TIMM9: variants seen among roughly 807,000 people sequenced by gnomAD.
The protein encoded by TIMM9 is translocase of inner mitochondrial membrane 9, also known as mitochondrial import inner membrane translocase subunit Tim9.
A neutral mutation model predicts 13.4 loss-of-function variants in TIMM9; 10 were observed. The ratio of observed to expected loss-of-function variants is 0.75; its 90% CI spans 0.46 to 1.26. The LOEUF (loss-of-function observed/expected upper bound fraction) is 1.26. Ranked by LOEUF, TIMM9 falls within the 50% of genes most tolerant of loss-of-function variation. The probability of loss-of-function intolerance (pLI) is 0.00; values close to 1 mark genes in which losing one functional copy is unlikely to be tolerated. For synonymous variants in TIMM9, 32 were observed against 32.1 expected, an observed-to-expected ratio of 1.00 and a Z score of 0.01; for missense variants, 87 against 100.8, an observed-to-expected ratio of 0.86 and a Z score of 0.58.
chr14:58,417,041 A>G (rs572144384), intron 3 of TIMM9, among the ~76,000 whole-genome samples: 5 of 152,250 alleles, frequency 3.3e-5, no homozygotes, highest in Non-Finnish European at 5.9e-5. Context: ...TTCTCATGAT[A>G]GTGAATAAGT....
chr14:58,417,498 T>TAAAA (rs71107944), intron 3 of TIMM9, among the ~76,000 whole-genome samples: 1 of 56,672 alleles, frequency 1.8e-5, no homozygotes, highest in Non-Finnish European at 3.0e-5. Flanking sequence ...AAGACCCTGT[T>TAAAA]AAAAAAAAAA....
intron 3 of TIMM9, among the ~76,000 whole-genome samples, chr14:58,422,344 G>A (rs924561905): frequency 5.3e-5 from 8 of 152,000 alleles, no homozygotes; most frequent in Non-Finnish European, 8.8e-5. Flanking sequence ...TTAAACTCCC[G>A]ACCTCAGGTG....
At chr14:58,426,389 T>C (rs2036801700) in intron 2 of TIMM9, among the ~76,000 whole-genome samples, 1 of 151,758 alleles carries the variant, frequency 6.6e-6, no homozygotes, top group Admixed American at 6.6e-5. Flanking sequence ...GTATTTTCAG[T>C]AGAGGCGGGG....
intron 3 of TIMM9, among the ~76,000 whole-genome samples, chr14:58,418,023 A>G (rs1177370375): frequency 2.0e-5 from 3 of 152,146 alleles, no homozygotes; most frequent in Non-Finnish European, 4.4e-5. Flanking sequence ...ACAGTACAAA[A>G]AAGAAAACCA....
Position 58,410,849 on chromosome 14 carries a change from A to C in TIMM9, c.129T>G (p.Pro43=), listed in dbSNP as rs749601360. 1.2e-6 allele frequency: 2 copies of C among 1,607,334 alleles called. No individual in the cohort carries two copies. Among genetic ancestry groups the C allele is most frequent in the Non-Finnish European group, 1.7e-6 (2 of 1,177,652 alleles). The stretch of plus-strand genomic sequence containing the variant: ...TGAGTAACACTTTTCATACCTCTTC[A>C]GGTTTTACTTCTCTTGTTGTGAAGT... ...VKDFTTREVK[P]EETTCSEHCL... is the part of the protein sequence containing the mutation. Residue 43 remains proline (P), a synonymous_variant, in exon 5 of 6, where the codon CCT becomes CCG. Coordinates refer to ENST00000395159, the MANE Select transcript of TIMM9 (RefSeq NM_012460.4).
rs560614894 is a variant in TIMM9 at position 58,408,932 on chromosome 14, A to G, written c.*102T>C. 16 of 1,491,696 alleles carry G rather than the reference A, an allele frequency of 1.1e-5. No homozygotes were observed. Among genetic ancestry groups the G allele is most frequent in the Non-Finnish European group, 1.4e-5 (16 of 1,115,482 alleles). 92.4% of individuals were successfully genotyped at this position (1,491,696 alleles called of 1,614,324 possible). ...AAACAGTCATGACAGATGGTTGAAC[A>G]TGGTGGCTACTGCTTTCAGGGGATT... On this transcript the variant is annotated 3_prime_UTR_variant, in exon 6 of 6. Transcript: ENST00000395159.
Position 58,408,671 on chromosome 14 carries a change from A to T in TIMM9, c.*363T>A. On this transcript the variant is annotated 3_prime_UTR_variant, in exon 6 of 6. Transcript: ENST00000395159. Reference sequence around the variant, plus strand: ...GCTCAGTGATATTTCCATTTATTTTACTTTGAGTAATAAAAATTTTTCTAT... The same window carrying T: ...GCTCAGTGATATTTCCATTTATTTTTCTTTGAGTAATAAAAATTTTTCTAT... 2 of 1,328,696 alleles carry T rather than the reference A, an allele frequency of 1.5e-6. No homozygotes were observed. The highest frequency in any genetic ancestry group is 2.1e-6 in the Non-Finnish European group (2 of 968,284). 82.3% of individuals were successfully genotyped at this position (1,328,696 alleles called of 1,614,324 possible). A position where few individuals can be genotyped will look rare whatever the true frequency, so the allele number is the denominator to read the frequency against.
In TIMM9 at chr14:58,427,489, G is replaced by C. The variant is rs1393975056; in HGVS notation, c.-401C>G. On this transcript the variant is annotated 5_prime_UTR_variant, in exon 1 of 6. Transcript: ENST00000395159. ...ACAAGTCGGGAGCTCTTCAAGTCTT[G>C]GATGAGACTGTAGAGCGGTCTTGTG... 4 of 1,135,436 alleles carry C rather than the reference G, an allele frequency of 3.5e-6. No homozygotes were observed. Among genetic ancestry groups the C allele is most frequent in the Non-Finnish European group, 5.0e-6 (4 of 796,902 alleles). The allele number at this position is 1,135,436 out of a possible 1,614,324, so 70.3% of individuals were successfully genotyped here. A position where few individuals can be genotyped will look rare whatever the true frequency, so the allele number is the denominator to read the frequency against.
At chr14:58,415,161 A>T (rs369447603) in intron 3 of TIMM9, among the ~76,000 whole-genome samples, 1 of 152,344 alleles carries the variant, frequency 6.6e-6, no homozygotes, top group East Asian at 1.9e-4. Flanking sequence ...TGTCAGAGTG[A>T]GGAAGATGAA....
At position 58,408,949 on chromosome 14, in the gene TIMM9, C is replaced by G. The variant is rs1180225826; in HGVS notation, c.*85G>C. The G allele has an allele frequency of 6.5e-7, 1 of 1,533,198 alleles. No homozygotes were observed. The highest frequency in any genetic ancestry group is 8.7e-7 in the Non-Finnish European group (1 of 1,144,982). 95.0% of individuals were successfully genotyped at this position (1,533,198 alleles called of 1,614,324 possible). ...GGTTGAACATGGTGGCTACTGCTTTCAGGGGATTCTATCAGATGAGTCCTC... is the reference window on the plus strand; with the variant it reads ...GGTTGAACATGGTGGCTACTGCTTTGAGGGGATTCTATCAGATGAGTCCTC... On this transcript the variant is annotated 3_prime_UTR_variant, in exon 6 of 6. Coordinates refer to ENST00000395159, the MANE Select transcript of TIMM9 (RefSeq NM_012460.4).
chr14:58,425,758 A>G (rs1386752214), intron 2 of TIMM9, among the ~76,000 whole-genome samples: 5 of 152,148 alleles, frequency 3.3e-5, no homozygotes, highest in African/African-American at 1.2e-4. Flanking sequence ...CACTCATAAT[A>G]TACAATAAAT....
At chr14:58,419,451 T>TCACACACACACACACACA (rs67147520) in intron 3 of TIMM9, among the ~76,000 whole-genome samples, 28 of 112,886 alleles carry the variant, frequency 2.5e-4, no homozygotes, top group South Asian at 9.7e-4. Context: ...TGAGACCCCG[T>TCACACACACACACACACA]CACACACACA....
chr14:58,409,407 TG>T (rs1253851730), intron 5 of TIMM9, among the ~76,000 whole-genome samples: 1 of 152,164 alleles, frequency 6.6e-6, no homozygotes, highest in Admixed American at 6.6e-5. Context: ...GATAAGTCTC[TG>T]TTTTCAAAAA....
At chr14:58,426,205 C>A (rs532059506) in intron 2 of TIMM9, among the ~76,000 whole-genome samples, 1 of 150,236 alleles carries the variant, frequency 6.7e-6, no homozygotes, top group African/African-American at 2.4e-5. Flanking sequence ...CCCTTAAAGT[C>A]TTTTTTTTTC....
chr14:58,421,515 C>G (rs1006186884), intron 3 of TIMM9, among the ~76,000 whole-genome samples: 1 of 152,150 alleles, frequency 6.6e-6, no homozygotes, highest in African/African-American at 2.4e-5. Context: ...GTAAAGGACA[C>G]AGGGGACCTT....
At chr14:58,414,839 T>C (rs1324581616) in intron 3 of TIMM9, among the ~76,000 whole-genome samples, 1 of 151,158 alleles carries the variant, frequency 6.6e-6, no homozygotes, top group Admixed American at 6.6e-5. Flanking sequence ...GCCTCCCCAC[T>C]CCCCAGCGAG....
At chr14:58,410,249 A>AT (rs1473494618) in intron 5 of TIMM9, among the ~76,000 whole-genome samples, 1 of 151,326 alleles carries the variant, frequency 6.6e-6, no homozygotes, top group African/African-American at 2.4e-5. Flanking sequence ...TTTTTTTTGT[A>AT]TTTTTTGTAA....
intron 5 of TIMM9, among the ~76,000 whole-genome samples, chr14:58,410,179 C>T (rs549511667): frequency 1.6e-4 from 25 of 152,096 alleles, no homozygotes; most frequent in African/African-American, 5.8e-4. Flanking sequence ...TCAGGTGACC[C>T]TCTCACCTCA....
intron 3 of TIMM9, among the ~76,000 whole-genome samples, chr14:58,419,861 G>A (rs1243871980): frequency 6.6e-6 from 1 of 152,174 alleles, no homozygotes; most frequent in Non-Finnish European, 1.5e-5. Context: ...AGGCTGCAGT[G>A]AGCCAAGATT....
Sources: allele counts gnomAD v4.1 joint callset (sites outside exome capture counted in the v4.1 genomes callset), GRCh38; gene constraint gnomAD v4.1.1; transcripts MANE v1.5; gene names NCBI Gene and HGNC (gene_info 2026-07-23, HGNC 2026-07-21).